Variants in POU6F2 observed in about 807,000 individuals in gnomAD.
POU6F2 encodes the protein POU class 6 homeobox 2.
In POU6F2, 31 loss-of-function variants were observed where a neutral mutation model predicts 71.3. That is an observed-to-expected ratio of 0.43 (90% confidence interval 0.33 to 0.59). POU6F2 has a LOEUF of 0.59. Among genes scored for constraint, POU6F2 ranks in the 20% least tolerant of loss-of-function variants. POU6F2 has a pLI of 0.04. For missense variants in POU6F2, 783 were observed against 856.8 expected, an observed-to-expected ratio of 0.91 and a Z score of 1.07; for synonymous variants, 347 against 355.7, an observed-to-expected ratio of 0.98 and a Z score of 0.27.
intron 1 of POU6F2, among the ~76,000 whole-genome samples, chr7:39,014,517 T>G (rs966205407): frequency 6.6e-6 from 1 of 152,196 alleles, no homozygotes; most frequent in African/African-American, 2.4e-5. Flanking sequence ...AAGACAACAT[T>G]GTTGAGTTAG....
At chr7:39,326,401 T>C (rs886218732) in intron 4 of POU6F2, among the ~76,000 whole-genome samples, 3 of 152,230 alleles carry the variant, frequency 2.0e-5, no homozygotes, top group African/African-American at 4.8e-5. Flanking sequence ...CTAGTTCTTG[T>C]GTGAAGGCAA....
intron 2 of POU6F2, among the ~76,000 whole-genome samples, chr7:39,130,050 G>C (rs1337473205): frequency 1.6e-5 from 2 of 128,970 alleles, no homozygotes; most frequent in Non-Finnish European, 3.1e-5. Context: ...CTGGGCGACA[G>C]AGCGAGACTC....
chr7:39,084,729 A>G, intron 1 of POU6F2, among the ~76,000 whole-genome samples: 1 of 152,152 alleles, frequency 6.6e-6, no homozygotes, highest in Non-Finnish European at 1.5e-5. Flanking sequence ...AAAATAAAAC[A>G]CAGGCATACC....
rs141189336 is a variant in POU6F2 at position 39,002,140 on chromosome 7, C to T, written c.105+24082C>T. The T allele has an allele frequency of 4.7e-3, 723 of 152,242 alleles. 4 individuals carry two copies. In the Middle Eastern group the frequency reaches 0.048, roughly 10 times the overall value. The allele number at this position is 152,242 out of a possible 1,614,324, so 9.4% of individuals were successfully genotyped here. Reference sequence around the variant, plus strand: ...CTTACCTTTGGCTTTAAACAATTTACTCTTGAATGTACACTTTGTGGCAAA... The same window carrying T: ...CTTACCTTTGGCTTTAAACAATTTATTCTTGAATGTACACTTTGTGGCAAA... On this transcript the variant is annotated intron_variant, in intron 1 of 9. Coordinates refer to ENST00000518318, the MANE Select transcript of POU6F2 (RefSeq NM_001370959.1).
At chr7:39,320,085 C>T (rs2128768721) in intron 4 of POU6F2, among the ~76,000 whole-genome samples, 1 of 152,310 alleles carries the variant, frequency 6.6e-6, no homozygotes, top group East Asian at 1.9e-4. Context: ...GCACCTTTAG[C>T]TCACTCAGAA....
rs993766605 is a variant in POU6F2, at chr7:39,466,002, C to G, written c.*1316C>G. ...CAGGCTAAAAAGAAAGTGATAGCAA[C>G]TGGATCATTAAAGGCCATCGTGTAT... is the stretch of plus-strand genomic sequence containing the variant. On this transcript the variant is annotated 3_prime_UTR_variant, in exon 10 of 10. Coordinates refer to ENST00000518318, the MANE Select transcript of POU6F2 (RefSeq NM_001370959.1). 6.6e-6 allele frequency: 1 copy of G among 152,186 alleles called. No homozygotes were observed. Among genetic ancestry groups the G allele is most frequent in the African/African-American group, 2.4e-5 (1 of 41,434 alleles). 9.4% of individuals were successfully genotyped at this position (152,186 alleles called of 1,614,324 possible). A position where few individuals can be genotyped will look rare whatever the true frequency, so the allele number is the denominator to read the frequency against.
chr7:39,252,154 C>T (rs1347787158), intron 4 of POU6F2, among the ~76,000 whole-genome samples: 1 of 152,030 alleles, frequency 6.6e-6, no homozygotes, highest in East Asian at 1.9e-4. Context: ...TGAGAAAGAA[C>T]ACTAAAGGAG....
At chr7:39,381,243 G>A (rs2115794728) in intron 5 of POU6F2, among the ~76,000 whole-genome samples, 1 of 151,668 alleles carries the variant, frequency 6.6e-6, no homozygotes, top group South Asian at 2.1e-4. Flanking sequence ...TTTTGTTTCT[G>A]TTTTTGTTTT....
chr7:39,116,651 A>T (rs1422223202), intron 2 of POU6F2, among the ~76,000 whole-genome samples: 3 of 152,132 alleles, frequency 2.0e-5, no homozygotes, highest in Non-Finnish European at 2.9e-5. Flanking sequence ...CTTAACCACT[A>T]AACTATTTAT....
chr7:39,013,924 C>T (rs1789401562), intron 1 of POU6F2, among the ~76,000 whole-genome samples: 1 of 152,126 alleles, frequency 6.6e-6, no homozygotes, highest in African/African-American at 2.4e-5. Flanking sequence ...AGAATTTATG[C>T]ACTTAATTTA....
chr7:39,037,894 G>A (rs1189754473), intron 1 of POU6F2, among the ~76,000 whole-genome samples: 3 of 151,766 alleles, frequency 2.0e-5, no homozygotes, highest in South Asian at 2.1e-4. Flanking sequence ...ACCATTTACC[G>A]CCCCATATTA....
At chr7:39,313,881 C>G (rs542547724) in intron 4 of POU6F2, among the ~76,000 whole-genome samples, 1 of 152,144 alleles carries the variant, frequency 6.6e-6, no homozygotes, top group Non-Finnish European at 1.5e-5. Flanking sequence ...TTCATAAATG[C>G]TGAGCTTCCC....
At chr7:39,164,415 C>T (rs1793068985) in intron 2 of POU6F2, among the ~76,000 whole-genome samples, 1 of 131,436 alleles carries the variant, frequency 7.6e-6, no homozygotes. Context: ...TCTGAGCCCA[C>T]TTCCATCCCA....
At chr7:39,313,813 T>G (rs892320013) in intron 4 of POU6F2, among the ~76,000 whole-genome samples, 2 of 152,136 alleles carry the variant, frequency 1.3e-5, no homozygotes, top group African/African-American at 4.8e-5. Flanking sequence ...GAAAGGTAAA[T>G]TTTTCCGTTT....
At chr7:38,984,473 T>G (rs1187337323) in intron 1 of POU6F2, 2 of 152,092 alleles carry the variant, frequency 1.3e-5, no homozygotes, top group Non-Finnish European at 2.9e-5. Context: ...CCAATATACT[T>G]GCTTCTTTAG....
intron 2 of POU6F2, among the ~76,000 whole-genome samples, chr7:39,186,934 G>GTGAC (rs1793552702): frequency 6.6e-6 from 1 of 152,176 alleles, no homozygotes; most frequent in African/African-American, 2.4e-5. Context: ...GGTTTCCCAG[G>GTGAC]CCTGCCGCCT....
At chr7:39,404,783 A>G (rs1787384450) in intron 5 of POU6F2, 1 of 149,994 alleles carries the variant, frequency 6.7e-6, no homozygotes, top group South Asian at 2.1e-4. Flanking sequence ...CAGTCTTCTC[A>G]CTTCAGAAGT....
At chr7:39,399,485 C>A (rs1391161093) in intron 5 of POU6F2, among the ~76,000 whole-genome samples, 1 of 152,100 alleles carries the variant, frequency 6.6e-6, no homozygotes, top group African/African-American at 2.4e-5. Context: ...TGTAATGGGT[C>A]ACAGAATAGA....
At chr7:39,005,203 G>A (rs1789024643) in intron 1 of POU6F2, 1 of 152,296 alleles carries the variant, frequency 6.6e-6, no homozygotes. Flanking sequence ...GCTCCAAGAA[G>A]AAAAGCCTGC....
Sources: allele counts gnomAD v4.1 joint callset (sites outside exome capture counted in the v4.1 genomes callset), GRCh38; gene constraint gnomAD v4.1.1; transcripts MANE v1.5; gene names NCBI Gene and HGNC (gene_info 2026-07-23, HGNC 2026-07-21).